The following SLC9A6 variants were observed in gnomAD, a reference collection of about 807,000 sequenced individuals.
SLC9A6 encodes the protein sodium/hydrogen exchanger 6.
Under a neutral mutation model 45.3 loss-of-function variants are expected in SLC9A6, and 6 were observed. The ratio of observed to expected loss-of-function variants is 0.13; its 90% CI spans 0.07 to 0.26. The LOEUF (loss-of-function observed/expected upper bound fraction) is 0.26, where lower values mean the gene tolerates loss of function less well. Among genes scored for constraint, SLC9A6 ranks in the 10% least tolerant of loss-of-function variants. The probability of loss-of-function intolerance (pLI) is 1.00; values close to 1 mark genes in which losing one functional copy is unlikely to be tolerated. For synonymous variants in SLC9A6, 191 were observed against 187.7 expected (o/e 1.02, Z -0.14); for missense variants, 278 against 503.7 (o/e 0.55, Z 4.29).
At chrX:136,007,980 T>C (rs2089682825) in intron 7 of SLC9A6, among the ~76,000 whole-genome samples, 1 of 111,232 alleles carries the variant, frequency 9.0e-6, no homozygotes, top group Non-Finnish European at 1.9e-5. Flanking sequence ...AAAAGTGTAA[T>C]GGAGACCTTT....
At chrX:135,999,095 A>G (rs2089545539) in intron 6 of SLC9A6, 127 bp downstream of exon 6, 3 of 500,379 alleles carry the variant, frequency 6.0e-6, no homozygotes, top group Admixed American at 6.0e-5. Context: ...TATACTTTCT[A>G]ATTGTGGAGG....
chrX:136,001,289 A>G (rs1241083518), intron 6 of SLC9A6, among the ~76,000 whole-genome samples: 1 of 96,971 alleles, frequency 1.0e-5, no homozygotes, highest in East Asian at 3.8e-4. Context: ...GTGAGCCGAG[A>G]TTGCGCCACT....
rs1317305021 is a variant in SLC9A6 at position 136,032,225 on chromosome X, G to A, written c.1582-1189G>A. On this transcript the variant is annotated intron_variant, in intron 15 of 17. Coordinates refer to ENST00000630721, the MANE Select transcript of SLC9A6 (RefSeq NM_001379110.1). ...TGAGACTATAGGTGCCTGCCACCAC[G>A]CCCAGCTCATTTTTTTGTGTGTTTT... is the stretch of plus-strand genomic sequence containing the variant. 3.6e-5 allele frequency among the ~76,000 whole-genome samples: 4 copies of A among 111,751 alleles called. No individual in the cohort carries two copies. In the South Asian group the frequency reaches 1.1e-3, roughly 31 times the overall value.
At chrX:136,039,565 G>A (rs1556622244) in intron 16 of SLC9A6, among the ~76,000 whole-genome samples, 1 of 111,778 alleles carries the variant, frequency 8.9e-6, no homozygotes. Flanking sequence ...TGATACTGAA[G>A]TTTCAACTTA....
intron 17 of SLC9A6, among the ~76,000 whole-genome samples, chrX:136,040,914 A>G (rs1403039597): frequency 8.9e-6 from 1 of 112,009 alleles, no homozygotes; most frequent in African/African-American, 3.3e-5. Flanking sequence ...TGAGGTCAGG[A>G]GTTCAAGACC....
At chrX:135,984,811 C>T (rs1305904422), upstream of SLC9A6, among the ~76,000 whole-genome samples, 1 of 111,584 alleles carries the variant, frequency 9.0e-6, no homozygotes, top group Admixed American at 9.5e-5. Flanking sequence ...TAAGCACAAA[C>T]CGATCCAATC....
At position 135,998,614 on chromosome X, in the gene SLC9A6, A is replaced by G. The variant is rs2089538748; in HGVS notation, c.524+56A>G. On this transcript the variant is annotated intron_variant, in intron 5 of 17. Transcript: ENST00000630721. ...GCCTTCAAATTATAATTTTAAAATAATATATTTTTGATTTATGCAGTGTTA... is the reference window on the plus strand; with the variant it reads ...GCCTTCAAATTATAATTTTAAAATAGTATATTTTTGATTTATGCAGTGTTA... 5.6e-6 allele frequency: 5 copies of G among 892,026 alleles called. No individual in the cohort carries two copies. The East Asian group carries it at 1.6e-4, about 29-fold the overall frequency. The allele number at this position is 892,026 out of a possible 1,213,427, so 73.5% of individuals were successfully genotyped here.
upstream of SLC9A6, among the ~76,000 whole-genome samples, chrX:135,983,290 G>A (rs3761643): frequency 0.072 from 7,996 of 110,980 alleles, 395 homozygotes; most frequent in African/African-American, 0.17. Flanking sequence ...GCGTCAGAGC[G>A]TGTGATATCC....
chrX:136,010,234 C>T (rs2070894878), intron 7 of SLC9A6: 11 of 345,771 alleles, frequency 3.2e-5, no homozygotes, highest in South Asian at 7.6e-5. Context: ...ACCCCCCCCC[C>T]GAAATTAACA....
rs146026210 is a variant in SLC9A6 at position 136,011,038 on chromosome X, C to T, written c.885+455C>T. Among the ~76,000 whole-genome samples, 420 of 111,607 alleles carry T rather than the reference C, an allele frequency of 3.8e-3. 2 individuals carry two copies. The highest frequency in any genetic ancestry group is 0.013 in the African/African-American group (388 of 30,719). ...ATGTAAGAGTTCATCTCAGCTCTCC[C>T]GATTTTAAACTTTGTGCTCTAGAGC... On this transcript the variant is annotated intron_variant, in intron 8 of 17. Transcript: ENST00000630721.
chrX:136,019,831 C>T, intron 11 of SLC9A6, among the ~76,000 whole-genome samples: 1 of 112,035 alleles, frequency 8.9e-6, no homozygotes, highest in Non-Finnish European at 1.9e-5. Context: ...TCCAGGGTCC[C>T]ATCCAGGATA....
chrX:135,983,108 A>G (rs782782190), upstream of SLC9A6, among the ~76,000 whole-genome samples: 3 of 111,522 alleles, frequency 2.7e-5, no homozygotes, highest in Admixed American at 9.5e-5. Flanking sequence ...TAGAGCTTCA[A>G]TGGAGGGTGG....
chrX:136,008,934 G>A (rs188870289), intron 7 of SLC9A6, among the ~76,000 whole-genome samples: 330 of 112,142 alleles, frequency 2.9e-3, no homozygotes, highest in Middle Eastern at 0.014. Flanking sequence ...AATGATTAAA[G>A]AATGAAATAA....
At chrX:136,016,984 T>A (rs2071031428) in intron 11 of SLC9A6, among the ~76,000 whole-genome samples, 1 of 111,737 alleles carries the variant, frequency 8.9e-6, no homozygotes, top group Non-Finnish European at 1.9e-5. Flanking sequence ...GACAGACAAG[T>A]GTCCCACTGT....
At chrX:136,023,007 C>T (rs898169277) in intron 12 of SLC9A6, among the ~76,000 whole-genome samples, 21 of 104,225 alleles carry the variant, frequency 2.0e-4, no homozygotes, top group African/African-American at 4.6e-4. Context: ...GATGGGGTTT[C>T]GCCATGTTGG....
At chrX:136,024,142 C>T (rs1330473425) in intron 12 of SLC9A6, among the ~76,000 whole-genome samples, 188 bp from the exon 13 acceptor site, 4 of 112,053 alleles carry the variant, frequency 3.6e-5, no homozygotes, top group Non-Finnish European at 7.5e-5. Flanking sequence ...CCACCTCGGC[C>T]TCCCAAAGTG....
At position 136,044,588 on chromosome X, in the gene SLC9A6, C is replaced by G. The variant is rs2071567041; in HGVS notation, c.1904C>G (p.Ser635Cys). 4 of 1,211,323 alleles carry G rather than the reference C, an allele frequency of 3.3e-6. No individual in the cohort carries two copies. Among genetic ancestry groups the G allele is most frequent in the Non-Finnish European group, 4.5e-6 (4 of 895,307 alleles). Residue 635 changes from serine to cysteine, a missense_variant, in exon 18 of 18, where the codon TCT becomes TGT. Around this residue, in one of 5 missense-constraint regions of SLC9A6, gnomAD observed 91 missense variants for 125.1 expected, o/e 0.73. Transcript: ENST00000630721. The part of the protein sequence containing the change: ...SAPRRFMGNS[S>C]EDALDRELAF... ...CCAAGGAGATTTATGGGAAACAGTTCTGAAGATGCCTTGGATCGGGAGCTT... is the reference window on the plus strand; with the variant it reads ...CCAAGGAGATTTATGGGAAACAGTTGTGAAGATGCCTTGGATCGGGAGCTT...
In SLC9A6 at chrX:136,044,555, C is replaced by G. The variant is rs2071566010; in HGVS notation, c.1871C>G (p.Ser624Cys). Reference sequence around the variant, plus strand: ...ACTGTGAACACTGAACCGGCCACATCCAGCGCCCCAAGGAGATTTATGGGA... The same window carrying G: ...ACTGTGAACACTGAACCGGCCACATGCAGCGCCCCAAGGAGATTTATGGGA... Reference protein sequence around the residue: ...DSTVNTEPATSSAPRRFMGNS... With the variant: ...DSTVNTEPATCSAPRRFMGNS... The change falls in exon 18 of 18, where the codon TCC (serine) becomes TGC (cysteine). Residue 624 changes from serine (S) to cysteine (C), a missense_variant. Ser to Cys is a moderately radical substitution (Grantham distance 112, BLOSUM62 -1). This residue lies in a region of SLC9A6 where 91 missense variants were observed against 125.1 expected (regional missense o/e 0.73). Coordinates refer to ENST00000630721, the MANE Select transcript of SLC9A6 (RefSeq NM_001379110.1). 1 of 1,209,167 alleles carries G rather than the reference C, an allele frequency of 8.3e-7. No homozygotes were observed. Among genetic ancestry groups the G allele is most frequent in the South Asian group, 1.8e-5 (1 of 56,764 alleles).
chrX:136,025,732 T>C (rs1412918922), intron 13 of SLC9A6, among the ~76,000 whole-genome samples: 1 of 111,981 alleles, frequency 8.9e-6, no homozygotes, highest in Non-Finnish European at 1.9e-5. Flanking sequence ...AGGGATGAAA[T>C]AGAGGCTTAG....
Sources: allele counts gnomAD v4.1 joint callset (sites outside exome capture counted in the v4.1 genomes callset), GRCh38; gene constraint gnomAD v4.1.1; regional missense constraint gnomAD v4.1.1; transcripts MANE v1.5; gene names NCBI Gene and HGNC (gene_info 2026-07-23, HGNC 2026-07-21).